The following UGT2B4 variants were observed in gnomAD, a reference collection of about 807,000 sequenced individuals.
UGT2B4 encodes UDP-glucuronosyltransferase 2B4.
Under a neutral mutation model 49.8 loss-of-function variants are expected in UGT2B4, and 49 were observed. The ratio of observed to expected loss-of-function variants is 0.98; its 90% CI spans 0.78 to 1.25. The LOEUF is 1.25. Among genes scored for constraint, UGT2B4 ranks in the 50% most tolerant of loss-of-function variants. The probability of loss-of-function intolerance (pLI) is 0.00; values close to 1 mark genes in which losing one functional copy is unlikely to be tolerated. For missense variants in UGT2B4, 729 were observed against 627.7 expected (o/e 1.16, Z -1.73); for synonymous variants, 246 against 217.7 (o/e 1.13, Z -1.14).
intron 5 of UGT2B4, among the ~76,000 whole-genome samples, chr4:69,481,950 A>C (rs1727606013): frequency 6.6e-6 from 1 of 152,192 alleles, no homozygotes. Flanking sequence ...CTTTTGCCTG[A>C]CTTTTCATCA....
intron 1 of UGT2B4, among the ~76,000 whole-genome samples, chr4:69,512,981 G>T (rs75558808): frequency 3.3e-5 from 5 of 151,994 alleles, no homozygotes; most frequent in Non-Finnish European, 7.4e-5. Context: ...ATCTGGATAT[G>T]AGAACTTTGT....
chr4:69,486,861 T>C (rs1253948077), intron 3 of UGT2B4, among the ~76,000 whole-genome samples, 165 bp from the exon 4 acceptor site: 2 of 152,182 alleles, frequency 1.3e-5, no homozygotes, highest in African/African-American at 2.4e-5. Context: ...CTTAATTTCA[T>C]AATTAGGTAT....
chr4:69,503,329 C>T (rs1728391142), intron 1 of UGT2B4, among the ~76,000 whole-genome samples: 1 of 152,168 alleles, frequency 6.6e-6, no homozygotes, highest in South Asian at 2.1e-4. Flanking sequence ...GACTGGAGAA[C>T]TCCAGCAAGG....
chr4:69,525,727 C>T (rs1416371235), exon 1 of UGT2B4: 3 of 1,277,314 alleles, frequency 2.3e-6, no homozygotes, highest in East Asian at 5.7e-5. Context: ...GAGCAAAAAA[C>T]ATTATGATGT....
intron 1 of UGT2B4, among the ~76,000 whole-genome samples, chr4:69,514,049 T>G (rs950078700): frequency 6.6e-6 from 1 of 152,030 alleles, no homozygotes; most frequent in Non-Finnish European, 1.5e-5. Context: ...GAATGAAATC[T>G]GAATAAATGA....
Position 69,489,525 on chromosome 4 carries a change from C to A in UGT2B4, c.916G>T (p.Val306Leu). The A allele has an allele frequency of 6.2e-7, 1 of 1,611,522 alleles. No individual in the cohort carries two copies. The highest frequency in any genetic ancestry group is 1.3e-5 in the African/African-American group (1 of 74,842). Reference sequence around the variant, plus strand: ...CTGACCATCGACCCCAGAGAAAACACCACAACACCATTTTCTCCAGAGCTC... The same window carrying A: ...CTGACCATCGACCCCAGAGAAAACAACACAACACCATTTTCTCCAGAGCTC... ...VQSSGENGVV[V>L]FSLGSMVSNT... Residue 306 changes from valine to leucine, a missense_variant, in exon 3 of 6, where the codon GTG (valine) becomes TTG (leucine). Coordinates refer to ENST00000305107, the MANE Select transcript of UGT2B4 (RefSeq NM_021139.3).
In UGT2B4 at chr4:69,516,611, G is replaced by GTATT. The variant is rs149848866; in HGVS notation, c.-106+9072_-106+9075dup. Among the ~76,000 whole-genome samples, 1,273 of 151,954 alleles carry GTATT rather than the reference G, an allele frequency of 8.4e-3. 19 individuals carry two copies. Among genetic ancestry groups the GTATT allele is most frequent in the African/African-American group, 0.029 (1,202 of 41,452 alleles). On this transcript the variant is annotated intron_variant, in intron 1 of 1. Transcript: ENST00000510114. ...ATGTGGACATTTCATTGTTATTTAT[G>GTATT]TATTTATTTATTTAAGACGGGGTCT...
At position 69,480,197 on chromosome 4, in the gene UGT2B4, A is replaced by G. The variant is rs1727541553; in HGVS notation, c.*437T>C. The G allele has an allele frequency of 1.3e-5, 2 of 156,522 alleles. No homozygotes were observed. The highest frequency in any genetic ancestry group is 3.9e-4 in the South Asian group (2 of 5,194). The allele number at this position is 156,522 out of a possible 1,614,324, so 9.7% of individuals were successfully genotyped here. On this transcript the variant is annotated 3_prime_UTR_variant, in exon 6 of 6. Transcript: ENST00000305107. ...TAATTATTTATTAGCTTCCTCAACAACAGTTAAAACAACACAATCCTGCAT... is the reference window on the plus strand; with the variant it reads ...TAATTATTTATTAGCTTCCTCAACAGCAGTTAAAACAACACAATCCTGCAT...
intron 3 of UGT2B4, 152 bp downstream of exon 3, chr4:69,489,287 T>C: frequency 9.8e-7 from 1 of 1,021,918 alleles, no homozygotes; most frequent in Non-Finnish European, 1.4e-6. Context: ...TCATCTTCCA[T>C]ACATATTTTT....
At position 69,480,629 on chromosome 4, in the gene UGT2B4, C is replaced by T. The variant is rs760647912; in HGVS notation, c.*5G>A. On this transcript the variant is annotated 3_prime_UTR_variant, in exon 6 of 6. Transcript: ENST00000305107. ...GGGTTTCCCAGCTTCCAGCCTCAGA[C>T]GTAATTAATCTCTTTTCCCCTTCTT... 2.5e-6 allele frequency: 4 copies of T among 1,612,384 alleles called. No individual in the cohort carries two copies. The highest frequency in any genetic ancestry group is 2.2e-5 in the East Asian group (1 of 44,824).
intron 3 of UGT2B4, among the ~76,000 whole-genome samples, chr4:69,487,148 C>T (rs979735788): frequency 6.6e-6 from 1 of 152,140 alleles, no homozygotes; most frequent in Non-Finnish European, 1.5e-5. Flanking sequence ...ACTGTAAGTT[C>T]AACCATTGTG....
At chr4:69,486,480 T>A in intron 4 of UGT2B4, 129 bp downstream of exon 4, 1 of 567,032 alleles carries the variant, frequency 1.8e-6, no homozygotes, top group South Asian at 4.1e-5. Flanking sequence ...GGAAAATAAA[T>A]ATAAAGAAGT....
At chr4:69,518,266 T>C (rs533108769) in intron 1 of UGT2B4, 4 of 152,410 alleles carry the variant, frequency 2.6e-5, no homozygotes, top group African/African-American at 9.6e-5. Context: ...TCTCTATGAG[T>C]TCCTCCAAAA....
intron 1 of UGT2B4, 115 bp from the exon 2 acceptor site, chr4:69,493,956 G>GA (rs1324695376): frequency 8.0e-5 from 93 of 1,157,362 alleles, no homozygotes; most frequent in Middle Eastern, 2.1e-4. Context: ...TTTGTGCCTT[G>GA]AAAAAAAATA....
chr4:69,484,492 TA>T (rs938335180), intron 5 of UGT2B4, among the ~76,000 whole-genome samples: 11 of 151,856 alleles, frequency 7.2e-5, no homozygotes, highest in Non-Finnish European at 1.0e-4. Context: ...CTAAAAACCA[TA>T]AAAAAACAAC....
upstream of UGT2B4, among the ~76,000 whole-genome samples, chr4:69,499,796 G>A (rs1281414305): frequency 1.3e-5 from 2 of 152,116 alleles, no homozygotes; most frequent in Non-Finnish European, 2.9e-5. Context: ...GCATGCTGAT[G>A]GGTCCTGACT....
chr4:69,492,095 T>C (rs1338551551), intron 2 of UGT2B4, among the ~76,000 whole-genome samples: 1 of 152,092 alleles, frequency 6.6e-6, no homozygotes, highest in Non-Finnish European at 1.5e-5. Context: ...TCTTTTATTA[T>C]TGTAAACTGA....
At chr4:69,493,113 T>C (rs1394328426) in intron 2 of UGT2B4, among the ~76,000 whole-genome samples, 1 of 152,112 alleles carries the variant, frequency 6.6e-6, no homozygotes, top group African/African-American at 2.4e-5. Context: ...TCTTGAGAAC[T>C]GTCCTGAACA....
In UGT2B4 at chr4:69,480,345, C is replaced by A. The variant is rs558737300; in HGVS notation, c.*289G>T. On this transcript the variant is annotated 3_prime_UTR_variant, in exon 6 of 6. Coordinates refer to ENST00000305107, the MANE Select transcript of UGT2B4 (RefSeq NM_021139.3). Reference sequence around the variant, plus strand: ...TAGTTAAGCTTAGTAAATTTTTTTTCATGTAACCTGTGAATTGGAACAATA... The same window carrying A: ...TAGTTAAGCTTAGTAAATTTTTTTTAATGTAACCTGTGAATTGGAACAATA... 19 of 302,536 alleles carry A rather than the reference C, an allele frequency of 6.3e-5. No homozygotes were observed. Among genetic ancestry groups the A allele is most frequent in the African/African-American group, 3.7e-4 (17 of 46,324 alleles). 18.7% of individuals were successfully genotyped at this position (302,536 alleles called of 1,614,324 possible). A position where few individuals can be genotyped will look rare whatever the true frequency, so the allele number is the denominator to read the frequency against.
Sources: allele counts gnomAD v4.1 joint callset (sites outside exome capture counted in the v4.1 genomes callset), GRCh38; gene constraint gnomAD v4.1.1; transcripts MANE v1.5; gene names NCBI Gene and HGNC (gene_info 2026-07-23, HGNC 2026-07-21).